Variants in HEXB observed in about 807,000 individuals in gnomAD.
The protein encoded by HEXB is hexosaminidase subunit beta.
A neutral mutation model predicts 71.2 loss-of-function variants in HEXB; 51 were observed. The ratio of observed to expected loss-of-function variants is 0.72; its 90% confidence interval spans 0.57 to 0.90. The LOEUF (loss-of-function observed/expected upper bound fraction) is 0.90. Ranked by LOEUF, HEXB falls within the 40% of genes least tolerant of loss-of-function variation. The probability of loss-of-function intolerance (pLI) is 0.00; values close to 1 mark genes in which losing one functional copy is unlikely to be tolerated. For missense variants in HEXB, 617 were observed against 677.0 expected (o/e 0.91, Z 0.98); for synonymous variants, 266 against 249.3 (o/e 1.07, Z -0.63).
In HEXB at chr5:74,720,638, T is replaced by TTTA. The variant is rs1749809808; in HGVS notation, c.1509-4_1509-2dup. The TTTA allele has an allele frequency of 1.2e-6, 2 of 1,613,880 alleles. No homozygotes were observed. The highest frequency in any genetic ancestry group is 4.5e-5 in the East Asian group (2 of 44,878). On this transcript the variant is annotated splice_polypyrimidine_tract_variant and splice_region_variant and intron_variant, in intron 12 of 13. Transcript: ENST00000261416. ...TTGCGGGGGGATGTGTGATTTAAAT[T>TTTA]TTAGGCCTCGGGCAAGTGCTGTTGG...
At chr5:74,708,062 G>A (rs1419950127) in intron 6 of HEXB, among the ~76,000 whole-genome samples, 1 of 152,034 alleles carries the variant, frequency 6.6e-6, no homozygotes, top group Non-Finnish European at 1.5e-5. Context: ...TACCCACAAA[G>A]GGAAGCCCAT....
intron 5 of HEXB, among the ~76,000 whole-genome samples, chr5:74,699,605 A>G (rs969842000): frequency 2.0e-5 from 3 of 152,056 alleles, no homozygotes; most frequent in Non-Finnish European, 4.4e-5. Context: ...TGAATATTTC[A>G]TTTTATTTAG....
chr5:74,691,464 A>G (rs1488933482), intron 2 of HEXB, among the ~76,000 whole-genome samples: 1 of 152,236 alleles, frequency 6.6e-6, no homozygotes, highest in African/African-American at 2.4e-5. Context: ...AATCTATACT[A>G]AACAGTATAA....
chr5:74,642,453 GA>G (rs1304272618), intron 1 of HEXB, among the ~76,000 whole-genome samples: 4 of 152,192 alleles, frequency 2.6e-5, no homozygotes, highest in Non-Finnish European at 5.9e-5. Context: ...GATAGGTGCT[GA>G]AAAGATGGGA....
At chr5:74,666,005 A>G (rs1748425449) in intron 1 of HEXB, among the ~76,000 whole-genome samples, 1 of 151,612 alleles carries the variant, frequency 6.6e-6, no homozygotes, top group Admixed American at 6.6e-5. Flanking sequence ...TCTGGTCATT[A>G]AAAAAATGCA....
rs1305643446 is a variant in HEXB, at chr5:74,720,737, A to G, written c.1603A>G (p.Arg535Gly). Residue 535 changes from arginine to glycine, a missense_variant, in exon 13 of 14, where the codon AGG becomes GGG. By Grantham distance (125) the Arg-to-Gly change is moderately radical. Transcript: ENST00000261416. ...TGACAGACTGACAAGGCACCGCTGC[A>G]GGATGGTCGAGTAAGAAATCTATTA... ...AYDRLTRHRC[R>G]MVERGIAAQP... 6 of 1,612,546 alleles carry G rather than the reference A, an allele frequency of 3.7e-6. No homozygotes were observed. In the African/African-American group the frequency reaches 5.3e-5, roughly 14 times the overall value.
rs578048765 is a variant in HEXB, at chr5:74,712,588, T to A, written c.772-918T>A. Among the ~76,000 whole-genome samples, 30 of 152,334 alleles carry A rather than the reference T, an allele frequency of 2.0e-4. No homozygotes were observed. The East Asian group carries it at 4.0e-3, about 21-fold the overall frequency. On this transcript the variant is annotated intron_variant, in intron 6 of 13. Coordinates refer to ENST00000261416, the MANE Select transcript of HEXB (RefSeq NM_000521.4). ...GTTAATATGTCTAGTAATTCTTTTTTGATCTACAGGTCTGCTCTTCCCACC... is the reference window on the plus strand; with the variant it reads ...GTTAATATGTCTAGTAATTCTTTTTAGATCTACAGGTCTGCTCTTCCCACC...
Position 74,652,672 on chromosome 5 carries a change from T to C in HEXB, c.-377+12114T>C, listed in dbSNP as rs1344831299. 6.6e-6 allele frequency among the ~76,000 whole-genome samples: 1 copy of C among 152,124 alleles called. No homozygotes were observed. The highest frequency in any genetic ancestry group is 1.5e-5 in the Non-Finnish European group (1 of 68,020). ...TCCCTTACCCCCACTACCCCCAGGA[T>C]TGTGTCCAAGTTCCAAAGTGTTCTT... is the stretch of plus-strand genomic sequence containing the variant. On this transcript the variant is annotated intron_variant, in intron 1 of 13. Transcript: ENST00000511181. This position sits in a 1 kb window ranked among gnomAD's most constrained non-coding sequence, Gnocchi z 5.4.
In HEXB at chr5:74,720,717, G is replaced by T. The variant is rs760366178; in HGVS notation, c.1583G>T (p.Arg528Ile). The T allele has an allele frequency of 9.9e-6, 16 of 1,614,068 alleles. No individual in the cohort carries two copies. Among genetic ancestry groups the T allele is most frequent in the Non-Finnish European group, 1.4e-5 (16 of 1,179,906 alleles). The change falls in exon 13 of 14, where the codon AGA (arginine) becomes ATA (isoleucine). Residue 528 changes from arginine (R) to isoleucine (I), a missense_variant. Physicochemically the swap from Arg to Ile is moderately conservative, Grantham distance 97 (BLOSUM62 -3). Coordinates refer to ENST00000261416, the MANE Select transcript of HEXB (RefSeq NM_000521.4). ...DVRDMDDAYDRLTRHRCRMVE... is the reference protein window; with the variant it reads ...DVRDMDDAYDILTRHRCRMVE... ...AGAGATATGGATGACGCCTATGACAGACTGACAAGGCACCGCTGCAGGATG... is the reference window on the plus strand; with the variant it reads ...AGAGATATGGATGACGCCTATGACATACTGACAAGGCACCGCTGCAGGATG...
chr5:74,708,795 G>A (rs1749468324), intron 6 of HEXB, among the ~76,000 whole-genome samples: 2 of 151,462 alleles, frequency 1.3e-5, no homozygotes, highest in South Asian at 4.2e-4. Context: ...CATAAAGCAA[G>A]TCCTGAGTGA....
At chr5:74,711,730 T>C (rs972305874) in intron 6 of HEXB, among the ~76,000 whole-genome samples, 1 of 151,956 alleles carries the variant, frequency 6.6e-6, no homozygotes, top group Non-Finnish European at 1.5e-5. Context: ...AAAACCACAA[T>C]GAGATACCAT....
chr5:74,646,945 T>C (rs911054411), intron 1 of HEXB, among the ~76,000 whole-genome samples: 1 of 152,202 alleles, frequency 6.6e-6, no homozygotes, highest in African/African-American at 2.4e-5. Flanking sequence ...ATCACACGTT[T>C]TAAAAAGAAA....
chr5:74,666,079 A>G (rs928086984), intron 1 of HEXB, among the ~76,000 whole-genome samples: 3 of 152,234 alleles, frequency 2.0e-5, no homozygotes, highest in Non-Finnish European at 4.4e-5. Context: ...ATTTAGCCCA[A>G]TTTTCCAGAT....
intron 1 of HEXB, among the ~76,000 whole-genome samples, chr5:74,653,960 C>T (rs1484554341): frequency 1.3e-5 from 2 of 152,096 alleles, no homozygotes; most frequent in Non-Finnish European, 2.9e-5. Flanking sequence ...TGCCAAACAT[C>T]TCAATTTCCC....
rs1049440167 is a variant in HEXB, at chr5:74,661,032, T to TAG, written c.-377+20489_-377+20490dup. 4.2e-3 allele frequency among the ~76,000 whole-genome samples: 612 copies of TAG among 146,296 alleles called. 4 individuals carry two copies. The highest frequency in any genetic ancestry group is 0.014 in the African/African-American group (541 of 39,620). On this transcript the variant is annotated intron_variant, in intron 1 of 13. Coordinates refer to the HEXB transcript ENST00000511181. ...TCAGTGAGAGAGAGAGAGAGAGAGA[T>TAG]AGAGAGAGAGAGAGAGTGGCCTTCA...
upstream of HEXB, among the ~76,000 whole-genome samples, chr5:74,680,904 A>G (rs1219720785): frequency 6.6e-6 from 1 of 152,256 alleles, no homozygotes; most frequent in Non-Finnish European, 1.5e-5. Context: ...GGGAAACCAG[A>G]TACCATACAA....
At chr5:74,661,094 G>T (rs902258188) in intron 1 of HEXB, among the ~76,000 whole-genome samples, 1 of 152,206 alleles carries the variant, frequency 6.6e-6, no homozygotes, top group Admixed American at 6.5e-5. Flanking sequence ...GAGCCACAGT[G>T]AGCCACATGT....
At chr5:74,697,777 G>A (rs1198041158) in intron 5 of HEXB, among the ~76,000 whole-genome samples, 1 of 149,362 alleles carries the variant, frequency 6.7e-6, no homozygotes, top group Non-Finnish European at 1.5e-5. Flanking sequence ...CATACTTCTA[G>A]TTAGTGCCAT....
chr5:74,658,851 C>T (rs1748268462), intron 1 of HEXB, among the ~76,000 whole-genome samples: 1 of 152,024 alleles, frequency 6.6e-6, no homozygotes, highest in South Asian at 2.1e-4. Flanking sequence ...AGTGAATTCT[C>T]AAATCTGAGA....
Sources: gnomAD v4.1 joint callset for allele counts (sites outside exome capture counted in the v4.1 genomes callset) on GRCh38, gnomAD v4.1.1 for gene constraint, Gnocchi (gnomAD v3.1) non-coding constraint, MANE v1.5 for transcripts, NCBI Gene and HGNC (gene_info 2026-07-23, HGNC 2026-07-21) for gene names.